Variants in SLC16A12 observed in about 807,000 individuals in gnomAD.
SLC16A12 encodes monocarboxylate transporter 12.
In SLC16A12, 17 loss-of-function variants were observed where a neutral mutation model predicts 42.4. The observed-to-expected ratio is 0.40, with a 90% CI of 0.27 to 0.60. SLC16A12 has a LOEUF of 0.60. SLC16A12 is among the 20% of genes least tolerant of loss of function. The pLI is 0.42. For missense variants in SLC16A12, 544 were observed against 623.0 expected, an observed-to-expected ratio of 0.87 and a Z score of 1.35; for synonymous variants, 224 against 229.4, an observed-to-expected ratio of 0.98 and a Z score of 0.21.
chr10:89,466,174 A>T (rs1208293880), intron 2 of SLC16A12, among the ~76,000 whole-genome samples: 1 of 152,246 alleles, frequency 6.6e-6, no homozygotes, highest in South Asian at 2.1e-4. Flanking sequence ...AATGTTGTAT[A>T]TATCAAAGTG....
chr10:89,445,938 G>C (rs561585134), intron 3 of SLC16A12, among the ~76,000 whole-genome samples: 22 of 152,242 alleles, frequency 1.4e-4, no homozygotes, highest in African/African-American at 5.3e-4. Context: ...GAAAACCATG[G>C]TATGAGAACT....
At chr10:89,477,394 A>G (rs1199015975) in intron 2 of SLC16A12, among the ~76,000 whole-genome samples, 2 of 151,924 alleles carry the variant, frequency 1.3e-5, no homozygotes, top group Non-Finnish European at 1.5e-5. Flanking sequence ...GAGGAACCCC[A>G]TCTCTACTAA....
chr10:89,443,610 T>C, intron 4 of SLC16A12, 146 bp downstream of exon 4: 2 of 688,228 alleles, frequency 2.9e-6, no homozygotes, highest in South Asian at 3.3e-5. Flanking sequence ...ATAGGATTGA[T>C]CTTTTCTTTA....
intron 2 of SLC16A12, among the ~76,000 whole-genome samples, chr10:89,486,608 AAAG>A (rs1842749389): frequency 4.0e-4 from 16 of 40,276 alleles, no homozygotes; most frequent in African/African-American, 1.6e-3. Flanking sequence ...AAAAAAAAAG[AAAG>A]AAAGAAAGAA....
At chr10:89,556,554 C>G (rs1843817027) in exon 1 of SLC16A12, 1 of 152,206 alleles carries the variant, frequency 6.6e-6, no homozygotes. Context: ...CTATTTCTTT[C>G]TCTCCCCAAG....
intron 2 of SLC16A12, among the ~76,000 whole-genome samples, chr10:89,501,657 A>G (rs1333600228): frequency 6.6e-6 from 1 of 152,192 alleles, no homozygotes; most frequent in African/African-American, 2.4e-5. Context: ...AGGCTGAGGC[A>G]TGAGAATCAC....
intron 2 of SLC16A12, among the ~76,000 whole-genome samples, chr10:89,503,652 G>A (rs1404534149): frequency 6.6e-6 from 1 of 152,230 alleles, no homozygotes; most frequent in Non-Finnish European, 1.5e-5. Context: ...ATGGGGCCAG[G>A]TGAGTCAAGA....
intron 6 of SLC16A12, among the ~76,000 whole-genome samples, chr10:89,436,914 A>AAGAAAGAAAGAATGAAAAAG (rs796398100): frequency 7.3e-6 from 1 of 136,462 alleles, no homozygotes; most frequent in Non-Finnish European, 1.6e-5. Context: ...GAAAGAAAGA[A>AAGAAAGAAAGAATGAAAAAG]AAAGAAAGAG....
intron 2 of SLC16A12, among the ~76,000 whole-genome samples, chr10:89,533,418 A>G (rs182794894): frequency 6.6e-4 from 101 of 152,304 alleles, no homozygotes; most frequent in Non-Finnish European, 1.0e-3. Flanking sequence ...CACTCAATAA[A>G]TATCTGCTCA....
At chr10:89,488,625 C>A (rs150839126) in intron 2 of SLC16A12, among the ~76,000 whole-genome samples, 1 of 152,308 alleles carries the variant, frequency 6.6e-6, no homozygotes, top group Non-Finnish European at 1.5e-5. Flanking sequence ...ATAAAAGCAG[C>A]AGCAACGACT....
At chr10:89,445,584 G>A (rs970275411) in intron 3 of SLC16A12, among the ~76,000 whole-genome samples, 53 of 152,116 alleles carry the variant, frequency 3.5e-4, no homozygotes, top group Non-Finnish European at 1.0e-4. Context: ...CATCCACACC[G>A]AAACCCCATC....
At chr10:89,475,212 G>C (rs1589690318) in intron 2 of SLC16A12, among the ~76,000 whole-genome samples, 1 of 152,188 alleles carries the variant, frequency 6.6e-6, no homozygotes, top group South Asian at 2.1e-4. Flanking sequence ...GTGTATTAAA[G>C]GGTAATTTTC....
chr10:89,541,186 A>G (rs973312734), intron 2 of SLC16A12, among the ~76,000 whole-genome samples: 8 of 151,678 alleles, frequency 5.3e-5, no homozygotes, highest in Non-Finnish European at 8.8e-5. Flanking sequence ...TCGGCCTCCC[A>G]AAGTGCTGGG....
chr10:89,525,318 C>T (rs1397663057), intron 2 of SLC16A12, among the ~76,000 whole-genome samples: 2 of 149,052 alleles, frequency 1.3e-5, no homozygotes, highest in African/African-American at 5.0e-5. Flanking sequence ...CAAGAATTGA[C>T]AAAGAAAGCA....
At chr10:89,456,414 G>C (rs182938162) in intron 3 of SLC16A12, among the ~76,000 whole-genome samples, 100 of 152,254 alleles carry the variant, frequency 6.6e-4, no homozygotes, top group African/African-American at 2.3e-3. Context: ...GAGGGGGACA[G>C]GGTTTTGGAC....
intron 2 of SLC16A12, among the ~76,000 whole-genome samples, chr10:89,472,487 C>CTTTTTTTTTTTTTTTTT (rs71022567): frequency 1.0e-4 from 9 of 89,896 alleles, no homozygotes; most frequent in Non-Finnish European, 1.7e-4. Flanking sequence ...TCTTTTCTTT[C>CTTTTTTTTTTTTTTTTT]TTTTTTTTTT....
In SLC16A12 at chr10:89,481,666, A is replaced by T. The variant is rs113597380; in HGVS notation, c.-46-19042T>A. On this transcript the variant is annotated intron_variant, in intron 2 of 7. Transcript: ENST00000371790. ...TCTTGTGTGTGTGTGTGTGTGTGTG[A>T]GAGAGAGAGAGAGTGTGTGTGTGTG... 5.4e-4 allele frequency among the ~76,000 whole-genome samples: 75 copies of T among 139,514 alleles called. No individual in the cohort carries two copies. The East Asian group carries it at 7.1e-3, about 13-fold the overall frequency. 91.5% of individuals were successfully genotyped at this position (139,514 alleles called of 152,430 possible). A position where few individuals can be genotyped will look rare whatever the true frequency, so the allele number is the denominator to read the frequency against.
intron 6 of SLC16A12, among the ~76,000 whole-genome samples, chr10:89,436,560 T>C (rs1841789556): frequency 6.6e-6 from 1 of 152,136 alleles, no homozygotes; most frequent in Admixed American, 6.5e-5. Context: ...ATATTAAAAC[T>C]AGTCCTGCCA....
chr10:89,555,247 A>G (rs145209578), intron 2 of SLC16A12, among the ~76,000 whole-genome samples: 153 of 151,714 alleles, frequency 1.0e-3, no homozygotes, highest in African/African-American at 3.6e-3. Flanking sequence ...GGCTCAAGCA[A>G]TCCTCCTGCT....
Sources: allele counts gnomAD v4.1 joint callset (sites outside exome capture counted in the v4.1 genomes callset), GRCh38; gene constraint gnomAD v4.1.1; transcripts MANE v1.5; gene names NCBI Gene and HGNC (gene_info 2026-07-23, HGNC 2026-07-21).